EBF1: variants seen among roughly 807,000 people sequenced by gnomAD.
EBF1 encodes the protein EBF transcription factor 1, also known as transcription factor COE1.
EBF1 carries 10 observed loss-of-function variants against 68.4 expected under a neutral mutation model. The ratio of observed to expected loss-of-function variants is 0.15; its 90% confidence interval spans 0.09 to 0.25. The LOEUF (loss-of-function observed/expected upper bound fraction) is 0.25. Among genes scored for constraint, EBF1 ranks in the 10% least tolerant of loss-of-function variants. EBF1 has a pLI of 1.00. For missense variants in EBF1, 509 were observed against 794.4 expected, an observed-to-expected ratio of 0.64 and a Z score of 4.32; for synonymous variants, 298 against 299.8, an observed-to-expected ratio of 0.99 and a Z score of 0.06.
intron 8 of EBF1, among the ~76,000 whole-genome samples, chr5:158,800,748 G>GA (rs1042189860): frequency 3.9e-5 from 6 of 152,122 alleles, no homozygotes; most frequent in South Asian, 2.1e-4. Flanking sequence ...GGGAGACAGG[G>GA]AAAAATCACT....
chr5:158,786,259 A>T (rs1158268491), intron 9 of EBF1, among the ~76,000 whole-genome samples: 1 of 152,130 alleles, frequency 6.6e-6, no homozygotes. Context: ...CCAGGCATCT[A>T]ACCAGGTCCC....
intron 5 of EBF1, 34 bp from the exon 6 acceptor site, chr5:159,073,498 C>T (rs1166524827): frequency 6.2e-7 from 1 of 1,612,172 alleles, no homozygotes; most frequent in Non-Finnish European, 8.5e-7. Flanking sequence ...TTAGTACAAC[C>T]ATTACAATGT....
chr5:158,999,610 G>A (rs1318132494), intron 6 of EBF1, among the ~76,000 whole-genome samples: 2 of 152,314 alleles, frequency 1.3e-5, no homozygotes, highest in Middle Eastern at 3.4e-3. Flanking sequence ...ACTGATCAGT[G>A]TGTTCCAATG....
At chr5:158,915,766 TAGTA>T (rs1235379732) in intron 6 of EBF1, among the ~76,000 whole-genome samples, 5 of 152,098 alleles carry the variant, frequency 3.3e-5, no homozygotes, top group African/African-American at 4.8e-5. Flanking sequence ...GATGAAGACA[TAGTA>T]AGTAAAAACA....
At chr5:158,875,026 G>T (rs1222014734) in intron 6 of EBF1, among the ~76,000 whole-genome samples, 3 of 145,668 alleles carry the variant, frequency 2.1e-5, no homozygotes, top group Non-Finnish European at 4.5e-5. Context: ...ATCATGGAGA[G>T]ATGAACACAC....
At chr5:158,711,819 TAGAAGTGGGAGTTAGTAACTGGG>T (rs1410203850) in intron 14 of EBF1, among the ~76,000 whole-genome samples, 1 of 151,982 alleles carries the variant, frequency 6.6e-6, no homozygotes, top group Non-Finnish European at 1.5e-5. Context: ...TGGTAACTGG[TAGAAGTGGGAGTTAGTAACTGGG>T]AGAAGCAGGA....
Position 158,708,227 on chromosome 5 carries a change from C to T in EBF1, c.1550-54G>A. ...CAGTGCCTTTCATGGCATCCTGAAG[C>T]AAAGAAGCTCAGATCCATCCCTCAC... On this transcript the variant is annotated intron_variant, in intron 14 of 15. Coordinates refer to ENST00000313708, the MANE Select transcript of EBF1 (RefSeq NM_024007.5). The T allele has an allele frequency of 3.9e-6, 6 of 1,521,232 alleles. No individual in the cohort carries two copies. In the South Asian group the frequency reaches 7.3e-5, roughly 18 times the overall value. 94.2% of individuals were successfully genotyped at this position (1,521,232 alleles called of 1,614,324 possible).
chr5:158,958,264 G>A (rs907425866), intron 6 of EBF1, among the ~76,000 whole-genome samples: 2 of 152,162 alleles, frequency 1.3e-5, no homozygotes, highest in South Asian at 4.1e-4. Flanking sequence ...CATGGCAGAG[G>A]GGGAAAAGAG....
intron 7 of EBF1, among the ~76,000 whole-genome samples, chr5:158,834,590 G>C (rs1788318908): frequency 6.6e-6 from 1 of 151,946 alleles, no homozygotes; most frequent in Non-Finnish European, 1.5e-5. Context: ...CAGCTCTGCA[G>C]AAAGTGATTA....
chr5:158,732,613 G>A (rs879905466), intron 10 of EBF1, among the ~76,000 whole-genome samples: 2 of 151,870 alleles, frequency 1.3e-5, no homozygotes, highest in Non-Finnish European at 2.9e-5. Context: ...GCTGCATAAA[G>A]TGGCCAGAAA....
chr5:158,720,349 C>G (rs1042089592), intron 11 of EBF1, among the ~76,000 whole-genome samples: 24 of 152,090 alleles, frequency 1.6e-4, no homozygotes, highest in Non-Finnish European at 2.6e-4. Flanking sequence ...TCCTGCAGAG[C>G]TGGATGTACA....
chr5:159,054,816 C>G (rs957479634), intron 6 of EBF1, among the ~76,000 whole-genome samples: 1 of 152,220 alleles, frequency 6.6e-6, no homozygotes, highest in Admixed American at 6.5e-5. Flanking sequence ...GGATGTTGCA[C>G]AGGCAACCTC....
chr5:158,708,393 T>C (rs998740504), intron 14 of EBF1, among the ~76,000 whole-genome samples: 3 of 152,182 alleles, frequency 2.0e-5, no homozygotes, highest in Admixed American at 6.5e-5. Flanking sequence ...GTGTTTATTG[T>C]GGGGCCACTG....
chr5:158,743,559 G>A (rs987664515), intron 10 of EBF1, among the ~76,000 whole-genome samples: 2 of 152,164 alleles, frequency 1.3e-5, no homozygotes, highest in Admixed American at 1.3e-4. Flanking sequence ...CTTAAAGGCA[G>A]CATTATTGTA....
intron 6 of EBF1, chr5:158,986,379 G>A (rs1759078664): frequency 6.6e-6 from 1 of 152,118 alleles, no homozygotes; most frequent in Non-Finnish European, 1.5e-5. Context: ...AGGTTTCCTA[G>A]GCTGACTCTG....
chr5:158,902,762 G>A (rs920661960), intron 6 of EBF1, among the ~76,000 whole-genome samples: 9 of 152,132 alleles, frequency 5.9e-5, no homozygotes, highest in South Asian at 2.1e-4. Flanking sequence ...AGCCCAAAAG[G>A]CTTCTCGTAT....
intron 6 of EBF1, among the ~76,000 whole-genome samples, chr5:158,857,978 G>A (rs371455910): frequency 1.1e-4 from 16 of 152,016 alleles, no homozygotes; most frequent in East Asian, 5.8e-4. Context: ...TTGACCCTTC[G>A]TGGGCTCATC....
intron 6 of EBF1, among the ~76,000 whole-genome samples, chr5:158,911,167 C>G (rs1024726473): frequency 2.6e-5 from 4 of 152,178 alleles, no homozygotes; most frequent in African/African-American, 9.7e-5. Context: ...GAACAGGGAA[C>G]CTCTGCAAAT....
intron 6 of EBF1, among the ~76,000 whole-genome samples, chr5:158,868,581 T>C (rs1796333349): frequency 6.6e-6 from 1 of 152,190 alleles, no homozygotes; most frequent in South Asian, 2.1e-4. Flanking sequence ...GCTTTTTTGT[T>C]ATGTGAAAAC....
Sources: allele counts gnomAD v4.1 joint callset (sites outside exome capture counted in the v4.1 genomes callset), GRCh38; gene constraint gnomAD v4.1.1; transcripts MANE v1.5; gene names NCBI Gene and HGNC (gene_info 2026-07-23, HGNC 2026-07-21).